The following HACD1 variants were observed in gnomAD, a reference collection of about 807,000 sequenced individuals.
The protein encoded by HACD1 is 3-hydroxyacyl-CoA dehydratase 1.
A neutral mutation model predicts 32.0 loss-of-function variants in HACD1; 41 were observed. The observed-to-expected ratio is 1.28, with a 90% confidence interval of 1.00 to 1.66. The LOEUF (loss-of-function observed/expected upper bound fraction) is 1.66, where lower values mean the gene tolerates loss of function less well. Among genes scored for constraint, HACD1 ranks in the 40% most tolerant of loss-of-function variants. HACD1 has a pLI of 0.00. For missense variants in HACD1, 396 were observed against 380.1 expected (o/e 1.04, Z -0.35); for synonymous variants, 142 against 139.0 (o/e 1.02, Z -0.15).
At chr10:17,615,240 G>C (rs1287946630) in intron 1 of HACD1, among the ~76,000 whole-genome samples, 1 of 152,212 alleles carries the variant, frequency 6.6e-6, no homozygotes, top group Non-Finnish European at 1.5e-5. Context: ...GAGAGTCCGG[G>C]TTGAAACCCA....
intron 1 of HACD1, 29 bp from the exon 2 acceptor site, chr10:17,604,076 C>A (rs1554816847): frequency 1.4e-6 from 2 of 1,431,580 alleles, no homozygotes; most frequent in Non-Finnish European, 1.9e-6. Flanking sequence ...TCATAAAGTT[C>A]TTTCGAACTT....
In HACD1 at chr10:17,598,737, G is replaced by C. The variant is rs1161150735; in HGVS notation, c.605+553C>G. On this transcript the variant is annotated intron_variant, in intron 5 of 6. Coordinates refer to ENST00000361271, the MANE Select transcript of HACD1 (RefSeq NM_014241.4). ...AAGAATTCAAACTTCAAGAAGAACA[G>C]ATATCTTTTCCTTTAAAAACTGTTG... Among the ~76,000 whole-genome samples the C allele has an allele frequency of 3.6e-4, 55 of 152,140 alleles. 1 individual carries two copies. The highest frequency in any genetic ancestry group is 1.3e-4 in the Non-Finnish European group (9 of 68,022).
At position 17,604,041 on chromosome 10, in the gene HACD1, C is replaced by G; in HGVS notation, c.264G>C (p.Leu88Phe). 3 of 1,556,688 alleles carry G rather than the reference C, an allele frequency of 1.9e-6. No individual in the cohort carries two copies. The highest frequency in any genetic ancestry group is 1.7e-6 in the Non-Finnish European group (2 of 1,155,146). Residue 88 changes from leucine to phenylalanine, a missense_variant, in exon 2 of 7, where the codon TTG (leucine) becomes TTC (phenylalanine). By Grantham distance (22) the Leu-to-Phe change is conservative. Coordinates refer to ENST00000361271, the MANE Select transcript of HACD1 (RefSeq NM_014241.4). ...FYDIAMTAGW[L>F]VLAIAMVRFY... Reference sequence around the variant, plus strand: ...AACGTACCATGGCAATAGCTAGAACCAACCACCTAAAAAAAAAAAGTATTT... The same window carrying G: ...AACGTACCATGGCAATAGCTAGAACGAACCACCTAAAAAAAAAAAGTATTT...
intron 1 of HACD1, among the ~76,000 whole-genome samples, chr10:17,609,159 T>G (rs1447583465): frequency 6.7e-6 from 1 of 148,438 alleles, no homozygotes; most frequent in African/African-American, 2.5e-5. Context: ...CAAAAGGTTT[T>G]TTTTTTTTTT....
At position 17,613,863 on chromosome 10, in the gene HACD1, G is replaced by A. The variant is rs532705633; in HGVS notation, c.257+3220C>T. On this transcript the variant is annotated intron_variant, in intron 1 of 6. Transcript: ENST00000361271. ...TACAAAAGTGAAAAACCTGAGCACA[G>A]AAGCAGAGCGCTGTGAAAATACATG... Among the ~76,000 whole-genome samples, 166 of 152,280 alleles carry A rather than the reference G, an allele frequency of 1.1e-3. 1 individual carries two copies. The highest frequency in any genetic ancestry group is 3.9e-3 in the African/African-American group (161 of 41,554).
At chr10:17,607,873 C>T (rs1834170620) in intron 1 of HACD1, among the ~76,000 whole-genome samples, 1 of 152,188 alleles carries the variant, frequency 6.6e-6, no homozygotes. Flanking sequence ...CCTAAGCCCT[C>T]CATCAGAAAG....
intron 1 of HACD1, among the ~76,000 whole-genome samples, chr10:17,613,365 T>C (rs1388540148): frequency 1.3e-5 from 2 of 152,150 alleles, no homozygotes; most frequent in African/African-American, 4.8e-5. Context: ...CCTCAACTAG[T>C]CTTCTGCTGT....
rs1554816790 is a variant in HACD1, at chr10:17,603,861, A to C, written c.375+69T>G. On this transcript the variant is annotated intron_variant, in intron 2 of 6. Transcript: ENST00000361271. ...GTATGTAATCAGCAAAATCATATTGATTTTGCACAACAAAAAATGTTCACA... is the reference window on the plus strand; with the variant it reads ...GTATGTAATCAGCAAAATCATATTGCTTTTGCACAACAAAAAATGTTCACA... 5 of 1,490,236 alleles carry C rather than the reference A, an allele frequency of 3.4e-6. No individual in the cohort carries two copies. In the Admixed American group the frequency reaches 8.8e-5, roughly 26 times the overall value. The allele number at this position is 1,490,236 out of a possible 1,614,324, so 92.3% of individuals were successfully genotyped here. A position where few individuals can be genotyped will look rare whatever the true frequency, so the allele number is the denominator to read the frequency against.
At chr10:17,601,403 G>A (rs1271068000) in intron 4 of HACD1, among the ~76,000 whole-genome samples, 1 of 151,830 alleles carries the variant, frequency 6.6e-6, no homozygotes, top group East Asian at 1.9e-4. Flanking sequence ...CAATAATATT[G>A]GTTGAATTAA....
chr10:17,591,770 T>C (rs1833931049), intron 6 of HACD1, among the ~76,000 whole-genome samples: 1 of 95,882 alleles, frequency 1.0e-5, no homozygotes, highest in Non-Finnish European at 2.5e-5. Flanking sequence ...TTAGGCAACT[T>C]TGGATAAAAA....
chr10:17,604,568 C>A (rs1455070664), intron 1 of HACD1, among the ~76,000 whole-genome samples: 2 of 151,650 alleles, frequency 1.3e-5, no homozygotes, highest in African/African-American at 4.8e-5. Flanking sequence ...ACATATCATG[C>A]AACACGGATA....
chr10:17,590,743 C>T (rs1833918450), intron 6 of HACD1, among the ~76,000 whole-genome samples: 1 of 152,208 alleles, frequency 6.6e-6, no homozygotes, highest in Non-Finnish European at 1.5e-5. Context: ...ATGATCTCAG[C>T]TCACTGCAAC....
At chr10:17,607,834 C>A (rs1475448909) in intron 1 of HACD1, among the ~76,000 whole-genome samples, 5 of 152,218 alleles carry the variant, frequency 3.3e-5, no homozygotes, top group Admixed American at 2.6e-4. Context: ...CTAAGTAAGG[C>A]CAGGAGCCAA....
intron 1 of HACD1, chr10:17,615,491 G>T (rs1395660115): frequency 6.4e-6 from 1 of 155,406 alleles, no homozygotes; most frequent in Admixed American, 6.5e-5. Context: ...CATAGGTAAA[G>T]ATTTATTAAA....
At chr10:17,598,278 A>AAAAAAAG (rs370233736) in intron 5 of HACD1, among the ~76,000 whole-genome samples, 5 of 146,376 alleles carry the variant, frequency 3.4e-5, no homozygotes, top group South Asian at 2.2e-4. Context: ...AAAAAAAAAA[A>AAAAAAAG]AGAGAAAAAA....
intron 1 of HACD1, among the ~76,000 whole-genome samples, chr10:17,612,125 A>C (rs12411644): frequency 0.6 from 85,367 of 141,846 alleles, 26,060 homozygotes; most frequent in African/African-American, 0.71. Flanking sequence ...AAAAAAAAAA[A>C]AAAAACCCTA....
At chr10:17,614,265 C>T (rs1299036342) in intron 1 of HACD1, among the ~76,000 whole-genome samples, 2 of 152,098 alleles carry the variant, frequency 1.3e-5, no homozygotes, top group African/African-American at 2.4e-5. Context: ...CCTGTCTTTA[C>T]AGAAATTATT....
At chr10:17,613,912 A>T (rs1343525503) in intron 1 of HACD1, among the ~76,000 whole-genome samples, 8 of 78,192 alleles carry the variant, frequency 1.0e-4, no homozygotes, top group Non-Finnish European at 1.7e-4. Flanking sequence ...CGAGTGAGTC[A>T]GAGATATCAA....
chr10:17,599,512 T>C (rs1207402955), intron 4 of HACD1, 101 bp from the exon 5 acceptor site: 161 of 1,447,390 alleles, frequency 1.1e-4, no homozygotes, highest in Non-Finnish European at 1.4e-4. Flanking sequence ...TATAATGGAA[T>C]GTTAGGGTTA....
Sources: allele counts gnomAD v4.1 joint callset (sites outside exome capture counted in the v4.1 genomes callset), GRCh38; gene constraint gnomAD v4.1.1; transcripts MANE v1.5; gene names NCBI Gene and HGNC (gene_info 2026-07-23, HGNC 2026-07-21).